MYO1D: variants seen among roughly 807,000 people sequenced by gnomAD.
MYO1D encodes unconventional myosin-Id.
Under a neutral mutation model 122.0 loss-of-function variants are expected in MYO1D, and 83 were observed. That is an observed-to-expected ratio of 0.68 (90% CI 0.57 to 0.82). MYO1D has a LOEUF of 0.82. MYO1D is among the 40% of genes least tolerant of loss of function. The probability of loss-of-function intolerance (pLI) is 0.00; values close to 1 mark genes in which losing one functional copy is unlikely to be tolerated. For missense variants in MYO1D, 1,157 were observed against 1,269.5 expected (o/e 0.91, Z 1.35); for synonymous variants, 464 against 446.9 (o/e 1.04, Z -0.48).
At chr17:32,834,821 G>A (rs2090806378) in intron 1 of MYO1D, among the ~76,000 whole-genome samples, 1 of 152,196 alleles carries the variant, frequency 6.6e-6, no homozygotes, top group African/African-American at 2.4e-5. Context: ...AGACCATCGT[G>A]GCCAACATGG....
chr17:32,862,902 A>C (rs1235151498), intron 1 of MYO1D: 1 of 152,220 alleles, frequency 6.6e-6, no homozygotes, highest in East Asian at 1.9e-4. Context: ...TATGAGACTC[A>C]CCTGGGCACT....
At chr17:32,828,515 C>CAAAAAAAAAAAA (rs137921871) in intron 1 of MYO1D, among the ~76,000 whole-genome samples, 3 of 71,800 alleles carry the variant, frequency 4.2e-5, no homozygotes, top group Non-Finnish European at 5.1e-5. Context: ...GACTCCGTCT[C>CAAAAAAAAAAAA]AAAAAAAAAA....
chr17:32,863,502 G>A (rs2091095400), intron 1 of MYO1D, among the ~76,000 whole-genome samples: 1 of 152,168 alleles, frequency 6.6e-6, no homozygotes, highest in Admixed American at 6.5e-5. Context: ...TAAATTAAGA[G>A]GGGAAAGGGA....
intron 21 of MYO1D, chr17:32,509,877 T>G (rs540632643): frequency 6.6e-6 from 1 of 152,304 alleles, no homozygotes; most frequent in East Asian, 1.9e-4. Context: ...TCTAGTGAAA[T>G]ATATGGGCCT....
intron 21 of MYO1D, chr17:32,602,519 G>A (rs1439298455): frequency 1.3e-5 from 2 of 152,158 alleles, no homozygotes; most frequent in African/African-American, 2.4e-5. Flanking sequence ...CCCCTACTGA[G>A]GCAAAACCCT....
At chr17:32,662,336 C>A (rs1238268312) in intron 16 of MYO1D, among the ~76,000 whole-genome samples, 1 of 152,190 alleles carries the variant, frequency 6.6e-6, no homozygotes, top group East Asian at 1.9e-4. Context: ...TGAGAACAAG[C>A]TCTGGACTCA....
At chr17:32,776,154 A>C in intron 3 of MYO1D, 125 bp from the exon 4 acceptor site, 1 of 785,954 alleles carries the variant, frequency 1.3e-6, no homozygotes, top group Non-Finnish European at 1.9e-6. Context: ...ACTGTTTGCA[A>C]TATCAAAAAA....
At chr17:32,606,169 T>C (rs1341345789) in intron 20 of MYO1D, among the ~76,000 whole-genome samples, 1 of 152,162 alleles carries the variant, frequency 6.6e-6, no homozygotes, top group Non-Finnish European at 1.5e-5. Context: ...AGAAATAACT[T>C]GAATAATTCT....
chr17:32,816,011 C>T (rs1415364506), intron 1 of MYO1D, among the ~76,000 whole-genome samples: 1 of 152,168 alleles, frequency 6.6e-6, no homozygotes, highest in Non-Finnish European at 1.5e-5. Flanking sequence ...GATCTGAAAA[C>T]CAGTGGGAAG....
intron 1 of MYO1D, among the ~76,000 whole-genome samples, chr17:32,857,283 C>A (rs1160058861): frequency 2.0e-5 from 3 of 152,104 alleles, no homozygotes; most frequent in Non-Finnish European, 4.4e-5. Context: ...TAAGGCAGAG[C>A]TAATCCTTTA....
At chr17:32,764,323 G>A (rs2090032437) in intron 8 of MYO1D, among the ~76,000 whole-genome samples, 2 of 152,200 alleles carry the variant, frequency 1.3e-5, no homozygotes, top group Admixed American at 6.5e-5. Flanking sequence ...GTTTCAGTTA[G>A]ACAGGAAGAA....
chr17:32,777,889 G>A (rs2090193587), intron 3 of MYO1D, among the ~76,000 whole-genome samples: 1 of 152,058 alleles, frequency 6.6e-6, no homozygotes, highest in Admixed American at 6.6e-5. Context: ...AGCTGAGATC[G>A]CGCCACTGCA....
At chr17:32,589,588 T>A (rs1245328172) in intron 21 of MYO1D, among the ~76,000 whole-genome samples, 1 of 152,114 alleles carries the variant, frequency 6.6e-6, no homozygotes, top group East Asian at 1.9e-4. Flanking sequence ...AAACAATAAA[T>A]GCCTCCACAC....
At chr17:32,857,198 C>T (rs1484881597) in intron 1 of MYO1D, among the ~76,000 whole-genome samples, 1 of 152,182 alleles carries the variant, frequency 6.6e-6, no homozygotes, top group East Asian at 1.9e-4. Context: ...TGCCTAGTAG[C>T]TGCCCCAATA....
At chr17:32,830,979 C>T (rs898944120) in intron 1 of MYO1D, among the ~76,000 whole-genome samples, 1 of 151,998 alleles carries the variant, frequency 6.6e-6, no homozygotes, top group Non-Finnish European at 1.5e-5. Context: ...TCGCTTGAAC[C>T]CAGGAGGCGG....
At chr17:32,683,818 G>A (rs1338439352) in intron 16 of MYO1D, among the ~76,000 whole-genome samples, 12 of 152,174 alleles carry the variant, frequency 7.9e-5, no homozygotes, top group African/African-American at 2.9e-4. Flanking sequence ...AAGCAAGCCT[G>A]GGCAATGGCG....
chr17:32,606,416 C>T (rs2087629057), intron 20 of MYO1D, among the ~76,000 whole-genome samples: 1 of 152,122 alleles, frequency 6.6e-6, no homozygotes. Context: ...AACTGATATC[C>T]TTCATCAACA....
At chr17:32,573,883 G>A (rs1378338505) in intron 21 of MYO1D, among the ~76,000 whole-genome samples, 6 of 151,694 alleles carry the variant, frequency 4.0e-5, no homozygotes, top group South Asian at 2.1e-4. Flanking sequence ...ACGGAGTCTC[G>A]CTCTTTCACC....
intron 1 of MYO1D, chr17:32,794,046 G>A (rs1440472585): frequency 6.6e-6 from 1 of 152,212 alleles, no homozygotes; most frequent in South Asian, 2.1e-4. Flanking sequence ...TCAGTGCTAT[G>A]TTTCTGTTTA....
Sources: gnomAD v4.1 joint callset for allele counts (sites outside exome capture counted in the v4.1 genomes callset) on GRCh38, gnomAD v4.1.1 for gene constraint, MANE v1.5 for transcripts, NCBI Gene and HGNC (gene_info 2026-07-23, HGNC 2026-07-21) for gene names.